Variants in ASTN2 observed in about 807,000 individuals in gnomAD.
ASTN2 encodes the protein astrotactin-2.
ASTN2 carries 54 observed loss-of-function variants against 139.8 expected under a neutral mutation model. The observed-to-expected ratio is 0.39, with a 90% CI of 0.31 to 0.48. ASTN2 has a LOEUF of 0.48. Ranked by LOEUF, ASTN2 falls within the 20% of genes least tolerant of loss-of-function variation. The pLI is 0.95. For missense variants in ASTN2, 1,565 were observed against 1,725.1 expected, an observed-to-expected ratio of 0.91 and a Z score of 1.64; for synonymous variants, 756 against 719.5, an observed-to-expected ratio of 1.05 and a Z score of -0.81.
At chr9:117,122,947 A>G (rs1829595388) in intron 4 of ASTN2, among the ~76,000 whole-genome samples, 1 of 152,144 alleles carries the variant, frequency 6.6e-6, no homozygotes, top group African/African-American at 2.4e-5. Flanking sequence ...TAGCACCAAC[A>G]CACACAGACC....
chr9:116,442,347 G>A (rs1172007419), intron 21 of ASTN2, 106 bp downstream of exon 21: 2 of 857,028 alleles, frequency 2.3e-6, no homozygotes, highest in South Asian at 1.4e-5. Flanking sequence ...CCCTGTGCCA[G>A]TGTGTCAGGG....
intron 4 of ASTN2, among the ~76,000 whole-genome samples, chr9:117,115,275 G>A (rs577616620): frequency 3.6e-4 from 55 of 152,216 alleles, no homozygotes; most frequent in African/African-American, 1.3e-3. Context: ...CCAGCACTTT[G>A]GGAGGCCGAG....
intron 19 of ASTN2, among the ~76,000 whole-genome samples, chr9:116,518,507 A>C (rs1348747636): frequency 6.6e-6 from 1 of 152,180 alleles, no homozygotes; most frequent in Non-Finnish European, 1.5e-5. Flanking sequence ...TGCTAAAAGG[A>C]GCTCTAAACC....
chr9:116,816,248 GT>G (rs1160116342), intron 12 of ASTN2, among the ~76,000 whole-genome samples: 2 of 152,306 alleles, frequency 1.3e-5, no homozygotes, highest in African/African-American at 4.8e-5. Context: ...GACAAACTTT[GT>G]TGCTAGGTAA....
chr9:116,485,750 T>G (rs1849317871), intron 20 of ASTN2, among the ~76,000 whole-genome samples: 1 of 152,174 alleles, frequency 6.6e-6, no homozygotes, highest in African/African-American at 2.4e-5. Flanking sequence ...CCAGGTGACT[T>G]AATATAAAGC....
intron 16 of ASTN2, among the ~76,000 whole-genome samples, chr9:116,674,022 GA>G (rs1315203113): frequency 1.3e-5 from 2 of 152,190 alleles, no homozygotes; most frequent in Non-Finnish European, 2.9e-5. Flanking sequence ...ATAGTTTAAA[GA>G]AAAATGGTAA....
At chr9:116,693,920 A>AT (rs746066557) in intron 16 of ASTN2, among the ~76,000 whole-genome samples, 1 of 152,158 alleles carries the variant, frequency 6.6e-6, no homozygotes, top group Non-Finnish European at 1.5e-5. Flanking sequence ...TCTTAGCTCC[A>AT]TTTCAGGCTA....
At chr9:116,489,426 C>T (rs919161517) in intron 19 of ASTN2, among the ~76,000 whole-genome samples, 8 of 152,000 alleles carry the variant, frequency 5.3e-5, no homozygotes, top group Non-Finnish European at 1.2e-4. Context: ...AGCCTCTGCC[C>T]CGCAGGCTCA....
At chr9:117,257,173 A>G (rs1308908697) in intron 2 of ASTN2, among the ~76,000 whole-genome samples, 1 of 152,094 alleles carries the variant, frequency 6.6e-6, no homozygotes, top group African/African-American at 2.4e-5. Flanking sequence ...TTTCCATTTG[A>G]TTTTGATGAA....
At chr9:116,743,699 C>T (rs556672060) in intron 13 of ASTN2, among the ~76,000 whole-genome samples, 4 of 152,152 alleles carry the variant, frequency 2.6e-5, no homozygotes, top group South Asian at 2.1e-4. Flanking sequence ...GACGGGGTTT[C>T]ACCATGTCAG....
At chr9:116,759,095 C>G (rs1319505221) in intron 13 of ASTN2, among the ~76,000 whole-genome samples, 1 of 152,042 alleles carries the variant, frequency 6.6e-6, no homozygotes, top group Non-Finnish European at 1.5e-5. Flanking sequence ...CCAGGCTGGT[C>G]TCTAACTCCC....
intron 20 of ASTN2, 58 bp from the exon 21 acceptor site, chr9:116,442,611 G>GGGCCTCTGTTC: frequency 7.2e-7 from 1 of 1,393,792 alleles, no homozygotes; most frequent in Non-Finnish European, 1.0e-6. Context: ...GGCCCTGGGA[G>GGGCCTCTGTTC]TTGCAGGGAA....
intron 19 of ASTN2, among the ~76,000 whole-genome samples, chr9:116,514,323 C>T (rs1266313094): frequency 1.3e-5 from 2 of 149,720 alleles, no homozygotes. Flanking sequence ...TCGAATATTG[C>T]TGAACAGCAA....
chr9:116,520,419 A>C (rs574071099), intron 19 of ASTN2, among the ~76,000 whole-genome samples: 12 of 152,270 alleles, frequency 7.9e-5, no homozygotes, highest in Admixed American at 7.2e-4. Flanking sequence ...ATCTCAATAG[A>C]TTCAGAAAAG....
At chr9:116,800,697 G>A (rs916325163) in intron 13 of ASTN2, among the ~76,000 whole-genome samples, 2 of 152,196 alleles carry the variant, frequency 1.3e-5, no homozygotes, top group Non-Finnish European at 2.9e-5. Flanking sequence ...AAACCAGGGA[G>A]CACTGGTTTG....
At chr9:116,533,716 T>C (rs952824263) in intron 19 of ASTN2, among the ~76,000 whole-genome samples, 1 of 152,234 alleles carries the variant, frequency 6.6e-6, no homozygotes, top group African/African-American at 2.4e-5. Flanking sequence ...GAAGCCCACT[T>C]GATCATGGTG....
At chr9:117,363,755 T>C (rs535765635) in intron 1 of ASTN2, among the ~76,000 whole-genome samples, 96 of 152,200 alleles carry the variant, frequency 6.3e-4, no homozygotes, top group Admixed American at 1.4e-3. Flanking sequence ...GCCCAGGACA[T>C]GATGTAGAGA....
intron 19 of ASTN2, among the ~76,000 whole-genome samples, chr9:116,590,948 C>A (rs993135148): frequency 1.3e-5 from 2 of 152,198 alleles, no homozygotes; most frequent in Admixed American, 6.5e-5. Flanking sequence ...CTTCAAGTCT[C>A]CTGAGGGCTG....
intron 19 of ASTN2, among the ~76,000 whole-genome samples, chr9:116,490,676 C>T (rs537471547): frequency 6.6e-6 from 1 of 152,168 alleles, no homozygotes; most frequent in African/African-American, 2.4e-5. Flanking sequence ...GAATGAGTGC[C>T]CAGGGAAGGG....
Sources: gnomAD v4.1 joint callset for allele counts (sites outside exome capture counted in the v4.1 genomes callset) on GRCh38, gnomAD v4.1.1 for gene constraint, MANE v1.5 for transcripts, NCBI Gene and HGNC (gene_info 2026-07-23, HGNC 2026-07-21) for gene names.